CNGA1: variants seen among roughly 807,000 people sequenced by gnomAD.
CNGA1 encodes cyclic nucleotide-gated channel alpha-1.
A neutral mutation model predicts 69.7 loss-of-function variants in CNGA1; 53 were observed. The ratio of observed to expected loss-of-function variants is 0.76; its 90% CI spans 0.61 to 0.96. The LOEUF (loss-of-function observed/expected upper bound fraction) is 0.96, where lower values mean the gene tolerates loss of function less well. CNGA1 is among the 40% of genes least tolerant of loss of function. The probability of loss-of-function intolerance (pLI) is 0.00; values close to 1 mark genes in which losing one functional copy is unlikely to be tolerated. For missense variants in CNGA1, 739 were observed against 811.2 expected, an observed-to-expected ratio of 0.91 and a Z score of 1.08; for synonymous variants, 249 against 283.5, an observed-to-expected ratio of 0.88 and a Z score of 1.22.
At chr4:47,951,167 C>T (rs894540922) in intron 5 of CNGA1, among the ~76,000 whole-genome samples, 186 bp downstream of exon 5, 1 of 151,802 alleles carries the variant, frequency 6.6e-6, no homozygotes, top group African/African-American at 2.4e-5. Flanking sequence ...GAGCTTGCTC[C>T]GAAACAACAG....
At chr4:47,963,921 A>G (rs1448199572) in intron 3 of CNGA1, among the ~76,000 whole-genome samples, 2 of 152,246 alleles carry the variant, frequency 1.3e-5, no homozygotes, top group Non-Finnish European at 2.9e-5. Flanking sequence ...AGTGAAGACA[A>G]CAATAAATAA....
chr4:47,969,822 A>G (rs2110194232), intron 3 of CNGA1, among the ~76,000 whole-genome samples: 1 of 152,276 alleles, frequency 6.6e-6, no homozygotes, highest in Admixed American at 6.5e-5. Flanking sequence ...ACCATCTTCC[A>G]TCATTCCTTC....
chr4:47,937,634 C>T lies in CNGA1; in HGVS notation c.848G>A (p.Arg283Lys), dbSNP rs577505007. 28 of 1,614,118 alleles carry T rather than the reference C, an allele frequency of 1.7e-5. No homozygotes were observed. In the East Asian group the frequency reaches 6.2e-4, roughly 36 times the overall value. Reference sequence around the variant, plus strand: ...TGGATAGTTTGTCCTTGTTTCTGTTCTCTGGAAGAACTCAAACATACGAGA... The same window carrying T: ...TGGATAGTTTGTCCTTGTTTCTGTTTTCTGGAAGAACTCAAACATACGAGA... ...RFSRMFEFFQ[R>K]TETRTNYPNI... Residue 283 changes from arginine to lysine, a missense_variant, in exon 11 of 11, where the codon AGA (arginine) becomes AAA (lysine). Transcript: ENST00000514170.
chr4:47,961,909 C>A lies in CNGA1; in HGVS notation c.-14-9206G>T, dbSNP rs573056816. Among the ~76,000 whole-genome samples the A allele has an allele frequency of 6.6e-5, 10 of 152,114 alleles. No individual in the cohort carries two copies. The South Asian group carries it at 1.9e-3, about 28-fold the overall frequency. ...GTGTGTTTGGAACAACTTGACTATG[C>A]GAACCTTCAATTTCAATTGTGAATT... On this transcript the variant is annotated intron_variant, in intron 3 of 10. Transcript: ENST00000514170.
chr4:47,944,497 T>C (rs1739275587), intron 6 of CNGA1, among the ~76,000 whole-genome samples: 1 of 152,202 alleles, frequency 6.6e-6, no homozygotes, highest in South Asian at 2.1e-4. Flanking sequence ...CAAATGGCTC[T>C]TGGAAACCTG....
intron 3 of CNGA1, among the ~76,000 whole-genome samples, chr4:47,970,697 T>C (rs1397262559): frequency 6.6e-6 from 1 of 151,276 alleles, no homozygotes; most frequent in Non-Finnish European, 1.5e-5. Flanking sequence ...GTCTACTGAA[T>C]TATTGCCCTT....
chr4:47,984,647 A>ATAT (rs1553868841), intron 2 of CNGA1, among the ~76,000 whole-genome samples: 2 of 64,446 alleles, frequency 3.1e-5, no homozygotes, highest in South Asian at 5.6e-4. Context: ...AAATAAAAAA[A>ATAT]ATATATATAT....
At chr4:47,941,592 C>G (rs1359698276) in intron 9 of CNGA1, among the ~76,000 whole-genome samples, 1 of 152,070 alleles carries the variant, frequency 6.6e-6, no homozygotes, top group East Asian at 1.9e-4. Flanking sequence ...TAAAAGTCTT[C>G]CCCTCTAACA....
At chr4:47,957,851 G>A (rs1740179071) in intron 3 of CNGA1, among the ~76,000 whole-genome samples, 1 of 150,684 alleles carries the variant, frequency 6.6e-6, no homozygotes, top group Admixed American at 6.6e-5. Flanking sequence ...ATTCTCCTAT[G>A]TTGTAAGCAT....
intron 2 of CNGA1, among the ~76,000 whole-genome samples, chr4:47,993,399 C>T (rs561108358): frequency 2.6e-5 from 4 of 152,142 alleles, no homozygotes; most frequent in Admixed American, 2.6e-4. Flanking sequence ...TCTAATTCTT[C>T]CTGATTTAAG....
chr4:48,013,619 G>A (rs1466688255), intron 1 of CNGA1, among the ~76,000 whole-genome samples: 2 of 152,178 alleles, frequency 1.3e-5, no homozygotes, highest in Admixed American at 1.3e-4. Flanking sequence ...AGTGAGCAGA[G>A]GTGTGAGTTT....
chr4:47,990,728 G>A (rs907423490), intron 2 of CNGA1, among the ~76,000 whole-genome samples: 1 of 152,124 alleles, frequency 6.6e-6, no homozygotes, highest in Admixed American at 6.6e-5. Context: ...AGGCCCAGCT[G>A]TAAAATTTCT....
intron 3 of CNGA1, chr4:47,971,242 C>G (rs1392284187): frequency 3.1e-6 from 1 of 321,400 alleles, no homozygotes; most frequent in Non-Finnish European, 6.1e-6. Context: ...AAAAATGCAA[C>G]AAGAAAGTGG....
At chr4:48,014,752 T>C (rs777242574) in intron 1 of CNGA1, among the ~76,000 whole-genome samples, 3 of 152,230 alleles carry the variant, frequency 2.0e-5, no homozygotes, top group Non-Finnish European at 4.4e-5. Flanking sequence ...GCTTGCCACA[T>C]AGTAAATGCT....
chr4:47,952,660 C>A lies in CNGA1; in HGVS notation c.30G>T (p.Gln10His). ...TCACATTGGGCATGGTTACAAAAGA[C>A]TGCTGTGTATTGATAATATTGTTCT... MKNNIINTQ[Q>H]SFVTMPNVIV... The change falls in exon 4 of 11, where the codon CAG (glutamine) becomes CAT (histidine). Residue 10 changes from glutamine to histidine, a missense_variant. By Grantham distance (24) the Gln-to-His change is conservative. Coordinates refer to ENST00000514170, the MANE Select transcript of CNGA1 (RefSeq NM_001379270.1). 6.2e-7 allele frequency: 1 copy of A among 1,608,308 alleles called. No homozygotes were observed. The highest frequency in any genetic ancestry group is 2.2e-5 in the East Asian group (1 of 44,736).
chr4:47,964,217 T>A (rs558756839), intron 3 of CNGA1, among the ~76,000 whole-genome samples: 1 of 152,322 alleles, frequency 6.6e-6, no homozygotes, highest in East Asian at 1.9e-4. Flanking sequence ...GGAGACCTCA[T>A]GCCTTATGAC....
At chr4:47,942,196 AT>A in intron 8 of CNGA1, 48 bp from the exon 9 acceptor site, 1 of 1,156,230 alleles carries the variant, frequency 8.6e-7, no homozygotes, top group Non-Finnish European at 1.3e-6. Context: ...ATACAAGAAC[AT>A]TTTTATTTAC....
chr4:47,942,682 T>G (rs1055757448), intron 8 of CNGA1, among the ~76,000 whole-genome samples: 14 of 152,206 alleles, frequency 9.2e-5, no homozygotes, highest in African/African-American at 3.4e-4. Flanking sequence ...GTTTACTGCC[T>G]GAGCTCGGCC....
chr4:47,973,781 A>G (rs1335573652), intron 3 of CNGA1, among the ~76,000 whole-genome samples: 2 of 152,052 alleles, frequency 1.3e-5, no homozygotes, highest in African/African-American at 2.4e-5. Flanking sequence ...CTTCTGTTTT[A>G]TATCAGTTTT....
Sources: gnomAD v4.1 joint callset for allele counts (sites outside exome capture counted in the v4.1 genomes callset) on GRCh38, gnomAD v4.1.1 for gene constraint, MANE v1.5 for transcripts, NCBI Gene and HGNC (gene_info 2026-07-23, HGNC 2026-07-21) for gene names.